Variants in MIR2052HG observed in about 807,000 individuals in gnomAD.
The protein encoded by MIR2052HG is MIR2052 host gene.
chr8:74,620,534 C>T (rs1176716436), intron 2 of MIR2052HG, among the ~76,000 whole-genome samples: 2 of 152,258 alleles, frequency 1.3e-5, no homozygotes, highest in Non-Finnish European at 2.9e-5. Context: ...TTCTTGACTT[C>T]TGTGCACACA....
At chr8:74,689,585 T>G (rs1019488819) in intron 2 of MIR2052HG, among the ~76,000 whole-genome samples, 1 of 152,200 alleles carries the variant, frequency 6.6e-6, no homozygotes, top group Non-Finnish European at 1.5e-5. Context: ...CTGTAACCAT[T>G]TGGACATTTA....
intron 2 of MIR2052HG, among the ~76,000 whole-genome samples, chr8:74,638,563 T>A (rs569772454): frequency 2.0e-5 from 3 of 152,086 alleles, no homozygotes; most frequent in East Asian, 1.9e-4. Flanking sequence ...GGAGAGTAGA[T>A]AATTTCACAT....
chr8:74,607,994 A>G (rs1052853353), intron 1 of MIR2052HG, among the ~76,000 whole-genome samples: 1 of 152,206 alleles, frequency 6.6e-6, no homozygotes, highest in African/African-American at 2.4e-5. Flanking sequence ...TGGCATCTTC[A>G]TTGGCAGAAA....
chr8:74,676,996 A>C (rs989581669), intron 2 of MIR2052HG, among the ~76,000 whole-genome samples: 1 of 152,082 alleles, frequency 6.6e-6, no homozygotes, highest in African/African-American at 2.4e-5. Context: ...AAACACTTAA[A>C]AGATAACTTG....
At chr8:74,619,661 C>G (rs1033117304) in intron 2 of MIR2052HG, among the ~76,000 whole-genome samples, 6 of 152,130 alleles carry the variant, frequency 3.9e-5, no homozygotes, top group African/African-American at 1.4e-4. Flanking sequence ...GTGAGACTCA[C>G]TCATTATCAC....
intron 1 of MIR2052HG, among the ~76,000 whole-genome samples, chr8:74,600,102 CAG>C (rs1807970201): frequency 6.6e-6 from 1 of 152,112 alleles, no homozygotes. Context: ...ACGGTGTGCA[CAG>C]CCACTGACCT....
intron 4 of MIR2052HG, chr8:74,703,801 T>G: frequency 3.1e-6 from 1 of 319,358 alleles, no homozygotes; most frequent in Non-Finnish European, 6.2e-6. Context: ...AGCGGGTTAA[T>G]ACAGCCTTAT....
At chr8:74,668,594 A>G (rs1398381361) in intron 2 of MIR2052HG, among the ~76,000 whole-genome samples, 3 of 152,152 alleles carry the variant, frequency 2.0e-5, no homozygotes, top group African/African-American at 7.2e-5. Flanking sequence ...ATCTCTAAAT[A>G]TCACTCTCTT....
chr8:74,741,283 C>T (rs989223019), intron 4 of MIR2052HG, among the ~76,000 whole-genome samples: 2 of 152,212 alleles, frequency 1.3e-5, no homozygotes, highest in African/African-American at 2.4e-5. Context: ...AACTCCTTTC[C>T]TGTATAACAC....
rs555898427 is a variant in MIR2052HG at position 74,701,773 on chromosome 8, T to C, written n.217-606T>C. On this transcript the variant is annotated intron_variant and non_coding_transcript_variant, in intron 2 of 6. Coordinates refer to ENST00000523442, the Ensembl canonical transcript of MIR2052HG. ...TTTACAATCAAGGATTTAACTTCTA[T>C]GGTGCTTGGCACCAGAAAGTCAATG... Among the ~76,000 whole-genome samples, 7 of 152,284 alleles carry C rather than the reference T, an allele frequency of 4.6e-5. No individual in the cohort carries two copies. In the East Asian group the frequency reaches 1.4e-3, roughly 29 times the overall value.
intron 1 of MIR2052HG, among the ~76,000 whole-genome samples, chr8:74,608,209 A>T (rs554358290): frequency 6.6e-6 from 1 of 152,294 alleles, no homozygotes; most frequent in South Asian, 2.1e-4. Context: ...TAGAGCTTCT[A>T]AGCACATAAT....
At chr8:74,634,327 A>G (rs1332812696) in intron 2 of MIR2052HG, among the ~76,000 whole-genome samples, 1 of 152,222 alleles carries the variant, frequency 6.6e-6, no homozygotes, top group Non-Finnish European at 1.5e-5. Flanking sequence ...GGCAGAGACA[A>G]CAAGGCAGAG....
intron 2 of MIR2052HG, among the ~76,000 whole-genome samples, chr8:74,679,254 T>G (rs1449275274): frequency 2.0e-5 from 3 of 152,068 alleles, no homozygotes; most frequent in Non-Finnish European, 4.4e-5. Context: ...TATCCTACCT[T>G]TCCCCTTGAG....
rs202161446 is a variant in MIR2052HG, at chr8:74,602,519, TC to T, written n.128+2612del. On this transcript the variant is annotated intron_variant and non_coding_transcript_variant, in intron 1 of 6. Coordinates refer to ENST00000523442, the Ensembl canonical transcript of MIR2052HG. Reference sequence around the variant, plus strand: ...CATTCTTGTGTTTCTTTTCTTTCTTTCTTTTTTTTTTTGAGACAGTCTTGCT... The same window carrying T: ...CATTCTTGTGTTTCTTTTCTTTCTTTTTTTTTTTTTTGAGACAGTCTTGCT... 1.8e-3 allele frequency among the ~76,000 whole-genome samples: 266 copies of T among 148,360 alleles called. 1 individual carries two copies. Among genetic ancestry groups the T allele is most frequent in the African/African-American group, 3.1e-3 (124 of 40,450 alleles).
intron 4 of MIR2052HG, among the ~76,000 whole-genome samples, chr8:74,720,641 A>G (rs1809566939): frequency 6.6e-6 from 1 of 152,146 alleles, no homozygotes; most frequent in African/African-American, 2.4e-5. Context: ...AACAAAATGT[A>G]TATGTTATGC....
At chr8:74,626,400 C>G (rs1808437281) in intron 2 of MIR2052HG, among the ~76,000 whole-genome samples, 1 of 152,080 alleles carries the variant, frequency 6.6e-6, no homozygotes, top group African/African-American at 2.4e-5. Flanking sequence ...TGCTAAAGTA[C>G]AGGGATTGGG....
At chr8:74,676,338 AATT>A (rs1470241534) in intron 2 of MIR2052HG, among the ~76,000 whole-genome samples, 1 of 152,024 alleles carries the variant, frequency 6.6e-6, no homozygotes, top group Non-Finnish European at 1.5e-5. Context: ...TACTGGACAG[AATT>A]AGCCTGTAGG....
At chr8:74,654,586 C>T (rs1183588778) in intron 2 of MIR2052HG, among the ~76,000 whole-genome samples, 2 of 152,102 alleles carry the variant, frequency 1.3e-5, no homozygotes, top group East Asian at 1.9e-4. Flanking sequence ...GCTTCTTGCT[C>T]ATTTTCTCTT....
chr8:74,626,127 G>T (rs1377887516), intron 2 of MIR2052HG, among the ~76,000 whole-genome samples: 1 of 152,172 alleles, frequency 6.6e-6, no homozygotes, highest in Non-Finnish European at 1.5e-5. Flanking sequence ...TGAAGTGGGT[G>T]CCCCGGGAGA....
Sources: allele counts gnomAD v4.1 joint callset (sites outside exome capture counted in the v4.1 genomes callset), GRCh38; gene constraint gnomAD v4.1.1; transcripts MANE v1.5; gene names NCBI Gene and HGNC (gene_info 2026-07-23, HGNC 2026-07-21).